The following PTPRD variants were observed in gnomAD, a reference collection of about 807,000 sequenced individuals.
PTPRD encodes the protein receptor-type tyrosine-protein phosphatase delta.
A neutral mutation model predicts 214.5 loss-of-function variants in PTPRD; 34 were observed. The observed-to-expected ratio is 0.16, with a 90% CI of 0.12 to 0.21. The LOEUF is 0.21. Among genes scored for constraint, PTPRD ranks in the 10% least tolerant of loss-of-function variants. PTPRD has a pLI of 1.00. For missense variants in PTPRD, 2,545 were observed against 2,398.7 expected (o/e 1.06, Z -1.27); for synonymous variants, 1,128 against 845.7 (o/e 1.33, Z -5.79).
chr9:9,829,173 G>C (rs902229565), intron 5 of PTPRD, among the ~76,000 whole-genome samples: 3 of 151,782 alleles, frequency 2.0e-5, no homozygotes, highest in Non-Finnish European at 4.4e-5. Flanking sequence ...TAAAAGTTAG[G>C]AAAGATGAAT....
chr9:8,759,130 A>C (rs1330743561), intron 11 of PTPRD, among the ~76,000 whole-genome samples: 1 of 152,024 alleles, frequency 6.6e-6, no homozygotes, highest in Admixed American at 6.6e-5. Context: ...TCCTGAGGTC[A>C]AGCGATCCTC....
intron 12 of PTPRD, among the ~76,000 whole-genome samples, chr9:8,658,084 A>G (rs1305693083): frequency 1.3e-5 from 2 of 152,198 alleles, no homozygotes; most frequent in Non-Finnish European, 2.9e-5. Context: ...AACTGAATTG[A>G]GAGAATAATG....
At chr9:10,090,503 C>T (rs1402556317) in intron 3 of PTPRD, among the ~76,000 whole-genome samples, 3 of 151,154 alleles carry the variant, frequency 2.0e-5, no homozygotes, top group South Asian at 4.2e-4. Flanking sequence ...ATGATTTTAA[C>T]AACTTTATTT....
chr9:9,029,262 G>A (rs10759029), intron 10 of PTPRD, among the ~76,000 whole-genome samples: 17,485 of 151,822 alleles, frequency 0.12, 1,250 homozygotes, highest in East Asian at 0.32. Context: ...CTATTGGACA[G>A]TGTCAAGCTA....
intron 4 of PTPRD, among the ~76,000 whole-genome samples, chr9:9,942,820 C>T (rs1309006404): frequency 6.6e-6 from 1 of 151,264 alleles, no homozygotes; most frequent in African/African-American, 2.4e-5. Context: ...CAATTTATAA[C>T]ATTCTTTATC....
chr9:9,006,950 G>A (rs946784576), intron 11 of PTPRD, among the ~76,000 whole-genome samples: 7 of 151,900 alleles, frequency 4.6e-5, no homozygotes, highest in Non-Finnish European at 1.0e-4. Flanking sequence ...TTCTTCCTCT[G>A]TCCCAACCTA....
intron 11 of PTPRD, among the ~76,000 whole-genome samples, chr9:8,967,105 C>T (rs1391452945): frequency 6.6e-6 from 1 of 150,958 alleles, no homozygotes; most frequent in African/African-American, 2.4e-5. Flanking sequence ...TACTATCTCA[C>T]ACTAGTCAGA....
At chr9:10,403,782 A>G (rs1239879580) in intron 2 of PTPRD, among the ~76,000 whole-genome samples, 4 of 151,628 alleles carry the variant, frequency 2.6e-5, no homozygotes, top group African/African-American at 7.3e-5. Context: ...ACTATATGAC[A>G]TTCCGGAAAA....
chr9:9,187,393 A>T (rs1006319987), intron 9 of PTPRD, among the ~76,000 whole-genome samples: 1 of 152,116 alleles, frequency 6.6e-6, no homozygotes, highest in African/African-American at 2.4e-5. Flanking sequence ...CCAGGTAAGT[A>T]AAATTCCAGG....
intron 2 of PTPRD, among the ~76,000 whole-genome samples, chr9:10,510,216 C>A (rs529568910): frequency 3.0e-4 from 46 of 152,194 alleles, no homozygotes; most frequent in African/African-American, 1.1e-3. Flanking sequence ...CCATACCACT[C>A]AGTATGGGTC....
intron 43 of PTPRD, among the ~76,000 whole-genome samples, chr9:8,332,976 A>C (rs940520120): frequency 6.6e-6 from 1 of 152,186 alleles, no homozygotes; most frequent in Non-Finnish European, 1.5e-5. Flanking sequence ...ACAGGGACTC[A>C]ATCCTTTATC....
intron 4 of PTPRD, among the ~76,000 whole-genome samples, chr9:9,959,685 C>G (rs1020960260): frequency 6.6e-6 from 1 of 152,112 alleles, no homozygotes; most frequent in Non-Finnish European, 1.5e-5. Context: ...AAACAGTGTA[C>G]TTGAGTTGAT....
intron 3 of PTPRD, among the ~76,000 whole-genome samples, chr9:10,141,730 T>A (rs1432805022): frequency 6.6e-6 from 1 of 152,054 alleles, no homozygotes; most frequent in African/African-American, 2.4e-5. Flanking sequence ...ATGACTTTCT[T>A]CACAGAATTG....
At chr9:10,153,969 T>C (rs562011235) in intron 3 of PTPRD, among the ~76,000 whole-genome samples, 58 of 152,264 alleles carry the variant, frequency 3.8e-4, no homozygotes, top group South Asian at 2.3e-3. Context: ...ATTTTTATGA[T>C]AGAATGATTT....
intron 3 of PTPRD, among the ~76,000 whole-genome samples, chr9:10,089,664 T>A (rs369216852): frequency 2.6e-5 from 4 of 151,788 alleles, no homozygotes; most frequent in Non-Finnish European, 5.9e-5. Context: ...AGGTATAACT[T>A]CCAAGCCAAT....
chr9:9,264,063 T>G (rs1430145110), intron 9 of PTPRD, among the ~76,000 whole-genome samples: 1 of 151,628 alleles, frequency 6.6e-6, no homozygotes, highest in East Asian at 2.0e-4. Flanking sequence ...TCAGTAATGA[T>G]TAGCAAAAGT....
At chr9:9,605,569 T>A (rs978418572) in intron 7 of PTPRD, among the ~76,000 whole-genome samples, 1 of 152,124 alleles carries the variant, frequency 6.6e-6, no homozygotes, top group Admixed American at 6.6e-5. Flanking sequence ...AGACTTTAAC[T>A]TGTAGGCAAT....
intron 3 of PTPRD, among the ~76,000 whole-genome samples, chr9:10,231,993 T>A (rs867296432): frequency 1.8e-3 from 219 of 124,294 alleles, no homozygotes; most frequent in African/African-American, 7.1e-3. Flanking sequence ...AGAGAGAGTG[T>A]GTGTGTGTGT....
chr9:10,151,969 T>C (rs528302567), intron 3 of PTPRD, among the ~76,000 whole-genome samples: 30 of 152,328 alleles, frequency 2.0e-4, no homozygotes, highest in Non-Finnish European at 4.0e-4. Context: ...CTGTTTTCAA[T>C]TTGGGGCAAG....
Sources: allele counts gnomAD v4.1 joint callset (sites outside exome capture counted in the v4.1 genomes callset), GRCh38; gene constraint gnomAD v4.1.1; transcripts MANE v1.5; gene names NCBI Gene and HGNC (gene_info 2026-07-23, HGNC 2026-07-21).